The following PTPRT variants were observed in gnomAD, a reference collection of about 807,000 sequenced individuals.
PTPRT encodes receptor-type tyrosine-protein phosphatase T.
A neutral mutation model predicts 176.8 loss-of-function variants in PTPRT; 56 were observed. The observed-to-expected ratio is 0.32, with a 90% CI of 0.26 to 0.40. The LOEUF (loss-of-function observed/expected upper bound fraction) is 0.40, where lower values mean the gene tolerates loss of function less well. Among genes scored for constraint, PTPRT ranks in the 10% least tolerant of loss-of-function variants. The pLI, the probability that PTPRT is intolerant of heterozygous loss-of-function variation, is 1.00. For synonymous variants in PTPRT, 783 were observed against 739.0 expected (o/e 1.06, Z -0.96); for missense variants, 1,540 against 1,908.2 (o/e 0.81, Z 3.60).
chr20:42,355,987 A>G (rs1343942319), intron 9 of PTPRT, among the ~76,000 whole-genome samples: 4 of 152,180 alleles, frequency 2.6e-5, no homozygotes, highest in Admixed American at 2.6e-4. Context: ...GAATAAATCA[A>G]TGTATGTTAA....
chr20:43,163,652 A>C (rs745999825), intron 1 of PTPRT, among the ~76,000 whole-genome samples: 2,463 of 148,222 alleles, frequency 0.017, 24 homozygotes, highest in South Asian at 0.045. Flanking sequence ...ACAAAACAAA[A>C]CAAAAAAAAA....
intron 6 of PTPRT, among the ~76,000 whole-genome samples, chr20:42,743,938 T>G (rs78697653): frequency 0.018 from 2,749 of 152,344 alleles, 85 homozygotes; most frequent in African/African-American, 0.059. Context: ...GTTTTTGAAC[T>G]GCAAAATCTT....
intron 7 of PTPRT, among the ~76,000 whole-genome samples, chr20:42,662,966 ATGTGTG>A (rs10548733): frequency 6.1e-5 from 9 of 148,128 alleles, no homozygotes; most frequent in South Asian, 2.1e-4. Context: ...ACCTGAATAT[ATGTGTG>A]TGTGTGTGTG....
intron 15 of PTPRT, among the ~76,000 whole-genome samples, chr20:42,227,995 C>T (rs1568689342): frequency 1.3e-5 from 2 of 152,136 alleles, no homozygotes; most frequent in Non-Finnish European, 1.5e-5. Context: ...GTAGGGTACT[C>T]CTTTCTGTTA....
intron 7 of PTPRT, among the ~76,000 whole-genome samples, chr20:42,512,669 C>T (rs937484360): frequency 3.3e-5 from 5 of 152,132 alleles, no homozygotes; most frequent in African/African-American, 7.2e-5. Context: ...ACAAGTAGTA[C>T]GTGTTTAATT....
intron 1 of PTPRT, among the ~76,000 whole-genome samples, chr20:43,082,894 C>G (rs1313788888): frequency 2.0e-5 from 3 of 152,126 alleles, no homozygotes; most frequent in Non-Finnish European, 4.4e-5. Flanking sequence ...TGCCAGACCC[C>G]TCACTCATCA....
chr20:42,567,321 T>A (rs2073058327), intron 7 of PTPRT, among the ~76,000 whole-genome samples: 1 of 151,544 alleles, frequency 6.6e-6, no homozygotes, highest in African/African-American at 2.4e-5. Context: ...AAAAAAACGA[T>A]TTTTAAAATA....
intron 13 of PTPRT, among the ~76,000 whole-genome samples, chr20:42,263,268 G>A (rs2056781810): frequency 6.6e-6 from 1 of 151,832 alleles, no homozygotes; most frequent in East Asian, 1.9e-4. Context: ...CACCCAGACT[G>A]GAGTGCAGTG....
chr20:43,052,658 T>C (rs1987092127), intron 1 of PTPRT, among the ~76,000 whole-genome samples: 1 of 152,254 alleles, frequency 6.6e-6, no homozygotes, highest in Non-Finnish European at 1.5e-5. Flanking sequence ...AGATACCATA[T>C]GATTCACCAG....
chr20:42,577,491 C>A (rs2073281807), intron 7 of PTPRT, among the ~76,000 whole-genome samples: 1 of 152,222 alleles, frequency 6.6e-6, no homozygotes, highest in African/African-American at 2.4e-5. Flanking sequence ...CCTGTTGTTT[C>A]TCTCCTGACC....
rs73910604 is a variant in PTPRT at position 42,895,210 on chromosome 20, G to C, written c.89-9278C>G. On this transcript the variant is annotated intron_variant, in intron 1 of 30. Transcript: ENST00000373187. ...AGACATTTATTTTTACACAGTTCTG[G>C]AGGCCAGGAATCTCAGACCAAAGTT... Among the ~76,000 whole-genome samples the C allele has an allele frequency of 7.9e-3, 1,198 of 152,264 alleles. 9 individuals carry two copies. The highest frequency in any genetic ancestry group is 0.028 in the African/African-American group (1,157 of 41,548).
At chr20:42,257,987 A>G (rs1003493479) in intron 13 of PTPRT, among the ~76,000 whole-genome samples, 14 of 152,114 alleles carry the variant, frequency 9.2e-5, no homozygotes, top group African/African-American at 3.1e-4. Context: ...AGTCTAGCAC[A>G]GAGATTATTC....
intron 7 of PTPRT, among the ~76,000 whole-genome samples, chr20:42,669,928 T>C (rs986320386): frequency 3.3e-5 from 5 of 152,138 alleles, no homozygotes; most frequent in Non-Finnish European, 5.9e-5. Flanking sequence ...TTCTCCCTCT[T>C]ACCTGAGACT....
chr20:42,781,338 C>T (rs74333797), intron 3 of PTPRT, among the ~76,000 whole-genome samples: 2,692 of 152,198 alleles, frequency 0.018, 78 homozygotes, highest in African/African-American at 0.061. Flanking sequence ...TCAACATGCA[C>T]CCATGTAATC....
intron 7 of PTPRT, among the ~76,000 whole-genome samples, chr20:42,478,491 T>G (rs1170313969): frequency 6.6e-6 from 1 of 152,126 alleles, no homozygotes; most frequent in African/African-American, 2.4e-5. Context: ...ACAGGTACCT[T>G]CCTGCCCCCA....
intron 7 of PTPRT, among the ~76,000 whole-genome samples, chr20:42,560,552 T>C (rs2072935937): frequency 6.6e-6 from 1 of 152,160 alleles, no homozygotes; most frequent in East Asian, 1.9e-4. Context: ...CAATTTCTCA[T>C]AGGGAGCAAA....
chr20:43,094,091 C>CTTTTTTT (rs11478226), intron 1 of PTPRT, among the ~76,000 whole-genome samples: 1 of 130,702 alleles, frequency 7.7e-6, no homozygotes, highest in Admixed American at 7.9e-5. Flanking sequence ...TTCTTTCTTT[C>CTTTTTTT]TTTTTTTTTT....
intron 1 of PTPRT, among the ~76,000 whole-genome samples, chr20:43,158,024 T>G (rs937515897): frequency 4.9e-5 from 4 of 81,076 alleles, no homozygotes; most frequent in African/African-American, 1.6e-4. Flanking sequence ...ATCTTGAGAG[T>G]AGATTCTGTC....
At chr20:42,768,937 A>G (rs2077023689) in intron 5 of PTPRT, among the ~76,000 whole-genome samples, 1 of 152,236 alleles carries the variant, frequency 6.6e-6, no homozygotes, top group Admixed American at 6.5e-5. Flanking sequence ...ACGATCATAA[A>G]ATAATTGGAA....
Sources: allele counts gnomAD v4.1 joint callset (sites outside exome capture counted in the v4.1 genomes callset), GRCh38; gene constraint gnomAD v4.1.1; transcripts MANE v1.5; gene names NCBI Gene and HGNC (gene_info 2026-07-23, HGNC 2026-07-21).